Variants in TNKS observed in about 807,000 individuals in gnomAD.
The protein encoded by TNKS is poly [ADP-ribose] polymerase tankyrase-1.
Under a neutral mutation model 135.8 loss-of-function variants are expected in TNKS, and 72 were observed. The observed-to-expected ratio is 0.53, with a 90% confidence interval of 0.44 to 0.64. TNKS has a LOEUF of 0.64. Among genes scored for constraint, TNKS ranks in the 30% least tolerant of loss-of-function variants. The probability of loss-of-function intolerance (pLI) is 0.00; values close to 1 mark genes in which losing one functional copy is unlikely to be tolerated. For synonymous variants in TNKS, 849 were observed against 649.3 expected, an observed-to-expected ratio of 1.31 and a Z score of -4.68; for missense variants, 1,769 against 1,674.0, an observed-to-expected ratio of 1.06 and a Z score of -0.99.
At chr8:9,661,471 C>G (rs527688163) in intron 3 of TNKS, among the ~76,000 whole-genome samples, 3 of 152,140 alleles carry the variant, frequency 2.0e-5, no homozygotes, top group East Asian at 1.9e-4. Flanking sequence ...CTGACAAAAA[C>G]AAGCAATGGG....
intron 23 of TNKS, 79 bp from the exon 24 acceptor site, chr8:9,765,613 A>G: frequency 7.9e-7 from 1 of 1,268,520 alleles, no homozygotes; most frequent in Non-Finnish European, 1.1e-6. Context: ...GAACCTTCCT[A>G]AAAGGAAAAC....
intron 11 of TNKS, among the ~76,000 whole-genome samples, chr8:9,715,178 C>G (rs1387415965): frequency 6.6e-6 from 1 of 151,976 alleles, no homozygotes; most frequent in Non-Finnish European, 1.5e-5. Context: ...TATATGAGGG[C>G]TTTGGTAGTT....
At chr8:9,729,215 G>A (rs905237356) in intron 13 of TNKS, among the ~76,000 whole-genome samples, 12 of 152,164 alleles carry the variant, frequency 7.9e-5, no homozygotes, top group African/African-American at 1.9e-4. Flanking sequence ...GGAAGAGTCC[G>A]CATGACCCAG....
At chr8:9,582,822 G>A (rs534866654) in intron 2 of TNKS, among the ~76,000 whole-genome samples, 1 of 152,044 alleles carries the variant, frequency 6.6e-6, no homozygotes, top group Non-Finnish European at 1.5e-5. Context: ...GCTCCTGTGT[G>A]GTACAGAATT....
chr8:9,706,649 T>G (rs578066217), intron 7 of TNKS, among the ~76,000 whole-genome samples, 162 bp from the exon 8 acceptor site: 1 of 152,252 alleles, frequency 6.6e-6, no homozygotes, highest in Non-Finnish European at 1.5e-5. Flanking sequence ...TTTTAAAACA[T>G]TGAATTTAAT....
intron 1 of TNKS, among the ~76,000 whole-genome samples, chr8:9,577,765 T>C (rs935340245): frequency 6.6e-6 from 1 of 152,170 alleles, no homozygotes; most frequent in Non-Finnish European, 1.5e-5. Flanking sequence ...TCTCATATCC[T>C]TCTCATATTT....
chr8:9,581,458 C>G (rs1430600955), intron 2 of TNKS, among the ~76,000 whole-genome samples: 1 of 152,174 alleles, frequency 6.6e-6, no homozygotes, highest in Non-Finnish European at 1.5e-5. Context: ...ACTAACATAG[C>G]CACATCCTGG....
chr8:9,574,566 C>G (rs1482614327), intron 1 of TNKS, among the ~76,000 whole-genome samples: 1 of 152,180 alleles, frequency 6.6e-6, no homozygotes, highest in African/African-American at 2.4e-5. Flanking sequence ...AGTAATTTCC[C>G]TAATAAATGG....
chr8:9,620,586 A>G (rs1799828638), intron 3 of TNKS, among the ~76,000 whole-genome samples: 1 of 152,106 alleles, frequency 6.6e-6, no homozygotes, highest in Non-Finnish European at 1.5e-5. Context: ...CCTTGCATTT[A>G]TCTGATCTTG....
chr8:9,719,136 T>C (rs1283206581), intron 11 of TNKS, among the ~76,000 whole-genome samples: 4 of 152,244 alleles, frequency 2.6e-5, no homozygotes, highest in African/African-American at 9.6e-5. Flanking sequence ...ATTTTTCTTC[T>C]GGCAAATGTG....
rs539055669 is a variant in TNKS at position 9,664,983 on chromosome 8, G to A, written c.995-14968G>A. On this transcript the variant is annotated intron_variant, in intron 3 of 26. Transcript: ENST00000310430. The stretch of plus-strand genomic sequence containing the variant: ...ACTTCTATGCATTAAGCCAAATATA[G>A]TAACTTCTTTTTGGAACTACATCGT... Among the ~76,000 whole-genome samples, 36 of 152,306 alleles carry A rather than the reference G, an allele frequency of 2.4e-4. No homozygotes were observed. The South Asian group carries it at 7.3e-3, about 31-fold the overall frequency.
At chr8:9,579,416 GT>G (rs1237852266) in intron 1 of TNKS, among the ~76,000 whole-genome samples, 1 of 152,076 alleles carries the variant, frequency 6.6e-6, no homozygotes, top group Non-Finnish European at 1.5e-5. Flanking sequence ...ATACAATGCT[GT>G]GTGTTGTGAT....
chr8:9,665,577 A>G (rs1056076763), intron 3 of TNKS, among the ~76,000 whole-genome samples: 1 of 152,184 alleles, frequency 6.6e-6, no homozygotes, highest in Non-Finnish European at 1.5e-5. Context: ...AAGATTCCAT[A>G]AAAGGGATTA....
intron 15 of TNKS, 36 bp from the exon 16 acceptor site, chr8:9,734,829 A>G (rs540294690): frequency 6.3e-7 from 1 of 1,575,578 alleles, no homozygotes; most frequent in African/African-American, 1.4e-5. Context: ...CTTACTACAG[A>G]AAATACAAAC....
chr8:9,581,896 G>A (rs1798181206), intron 2 of TNKS, among the ~76,000 whole-genome samples: 1 of 152,098 alleles, frequency 6.6e-6, no homozygotes, highest in Non-Finnish European at 1.5e-5. Context: ...TGAAATAAAA[G>A]ACTAGATATG....
intron 11 of TNKS, among the ~76,000 whole-genome samples, chr8:9,718,952 T>G (rs1804736660): frequency 6.6e-6 from 1 of 152,240 alleles, no homozygotes; most frequent in African/African-American, 2.4e-5. Flanking sequence ...AGTTAGTATG[T>G]TTCTTACCCA....
At chr8:9,708,122 A>G (rs994342042) in intron 8 of TNKS, among the ~76,000 whole-genome samples, 1 of 152,204 alleles carries the variant, frequency 6.6e-6, no homozygotes, top group Admixed American at 6.5e-5. Flanking sequence ...ATTTTGCTGC[A>G]ATAAGTATCT....
intron 5 of TNKS, among the ~76,000 whole-genome samples, chr8:9,695,569 G>T (rs1184458168): frequency 6.6e-6 from 1 of 152,058 alleles, no homozygotes; most frequent in Non-Finnish European, 1.5e-5. Flanking sequence ...AGACCCACTG[G>T]AAGATTTTGA....
chr8:9,745,072 C>T (rs551970074), intron 17 of TNKS, among the ~76,000 whole-genome samples: 94 of 152,216 alleles, frequency 6.2e-4, no homozygotes, highest in South Asian at 2.1e-3. Flanking sequence ...ATCAGAAACA[C>T]AGTTTAAGTA....
Sources: allele counts gnomAD v4.1 joint callset (sites outside exome capture counted in the v4.1 genomes callset), GRCh38; gene constraint gnomAD v4.1.1; transcripts MANE v1.5; gene names NCBI Gene and HGNC (gene_info 2026-07-23, HGNC 2026-07-21).